DRD3: variants seen among roughly 807,000 people sequenced by gnomAD.
DRD3 encodes the protein dopamine receptor D3.
A neutral mutation model predicts 36.3 loss-of-function variants in DRD3; 19 were observed. That is an observed-to-expected ratio of 0.52 (90% CI 0.36 to 0.77). DRD3 has a LOEUF of 0.77. Among genes scored for constraint, DRD3 ranks in the 30% least tolerant of loss-of-function variants. The probability of loss-of-function intolerance (pLI) is 0.00; values close to 1 mark genes in which losing one functional copy is unlikely to be tolerated. For synonymous variants in DRD3, 195 were observed against 203.7 expected, an observed-to-expected ratio of 0.96 and a Z score of 0.36; for missense variants, 465 against 505.3, an observed-to-expected ratio of 0.92 and a Z score of 0.77.
chr3:114,133,178 T>C (rs1180302007), intron 5 of DRD3, among the ~76,000 whole-genome samples: 1 of 152,082 alleles, frequency 6.6e-6, no homozygotes, highest in African/African-American at 2.4e-5. Context: ...TTAGTAGAGA[T>C]GGGTTTCTCC....
At position 114,159,706 on chromosome 3, in the gene DRD3, C is replaced by T. The variant is rs144960688; in HGVS notation, c.383+49G>A. 21 of 1,532,420 alleles carry T rather than the reference C, an allele frequency of 1.4e-5. No individual in the cohort carries two copies. The African/African-American group carries it at 2.3e-4, about 17-fold the overall frequency. The allele number at this position is 1,532,420 out of a possible 1,614,324, so 94.9% of individuals were successfully genotyped here. On this transcript the variant is annotated intron_variant, in intron 3 of 6. Transcript: ENST00000383673. ...CCCTCAAGTGCACAATCTGTCTCTC[C>T]CCACTTCCCCAGCTTTTGGGCCACC...
chr3:114,158,675 A>G (rs2077704569), intron 3 of DRD3, among the ~76,000 whole-genome samples: 1 of 152,224 alleles, frequency 6.6e-6, no homozygotes, highest in Admixed American at 6.5e-5. Context: ...AGTACCTAAG[A>G]TAATACATAA....
chr3:114,180,846 A>G (rs1407041624), upstream of DRD3, among the ~76,000 whole-genome samples: 4 of 152,162 alleles, frequency 2.6e-5, no homozygotes, highest in East Asian at 3.8e-4. Flanking sequence ...TGCACTGCTA[A>G]AACTTGGCTT....
chr3:114,142,047 C>CAAAAA (rs771946847), intron 4 of DRD3, among the ~76,000 whole-genome samples: 144 of 64,668 alleles, frequency 2.2e-3, no homozygotes, highest in South Asian at 4.1e-3. Context: ...GACTCTCTCT[C>CAAAAA]AAAAAAAAAA....
intron 3 of DRD3, among the ~76,000 whole-genome samples, chr3:114,151,798 T>C (rs2077620452): frequency 2.0e-5 from 3 of 152,230 alleles, no homozygotes; most frequent in Admixed American, 2.0e-4. Flanking sequence ...GTGTTTCTCC[T>C]GAGTGCCCTC....
At chr3:114,141,110 C>A (rs1252094042) in intron 4 of DRD3, among the ~76,000 whole-genome samples, 1 of 152,256 alleles carries the variant, frequency 6.6e-6, no homozygotes, top group East Asian at 1.9e-4. Context: ...CGGCTCACCG[C>A]AACCTCCATC....
chr3:114,181,829 T>A (rs2077949624), upstream of DRD3, among the ~76,000 whole-genome samples: 1 of 152,176 alleles, frequency 6.6e-6, no homozygotes, highest in Non-Finnish European at 1.5e-5. Context: ...TGAAATGCTG[T>A]TCCAGGGAAT....
chr3:114,152,886 G>C (rs115403412), intron 3 of DRD3, among the ~76,000 whole-genome samples: 1,997 of 152,362 alleles, frequency 0.013, 50 homozygotes, highest in African/African-American at 0.046. Flanking sequence ...CTTGGCCCAG[G>C]GCCACCTCTG....
intron 2 of DRD3, among the ~76,000 whole-genome samples, chr3:114,164,220 CAAAAAAAAAAAAAAA>C (rs34500434): frequency 2.1e-3 from 37 of 17,778 alleles, no homozygotes; most frequent in Non-Finnish European, 4.4e-3. Flanking sequence ...GCCTCAGTCT[CAAAAAAAAAAAAAAA>C]AAAAAAAAAA....
At chr3:114,173,572 T>C (rs2077867432) in intron 1 of DRD3, among the ~76,000 whole-genome samples, 1 of 152,076 alleles carries the variant, frequency 6.6e-6, no homozygotes, top group Non-Finnish European at 1.5e-5. Context: ...CTCAGACAAA[T>C]AGATTCTATG....
intron 1 of DRD3, among the ~76,000 whole-genome samples, chr3:114,185,573 G>C (rs1232086128): frequency 6.6e-6 from 1 of 151,582 alleles, no homozygotes; most frequent in African/African-American, 2.4e-5. Flanking sequence ...TAAAGTCTTT[G>C]TCTAGTAGAT....
At chr3:114,176,081 C>A (rs1183822808) in intron 1 of DRD3, 1 of 152,178 alleles carries the variant, frequency 6.6e-6, no homozygotes, top group Admixed American at 6.5e-5. Flanking sequence ...ATTTGTCCTG[C>A]TTTGCTGATG....
Position 114,143,223 on chromosome 3 carries a change from T to C in DRD3, c.527-3527A>G, listed in dbSNP as rs2077541812. 2.0e-5 allele frequency among the ~76,000 whole-genome samples: 3 copies of C among 152,192 alleles called. No individual in the cohort carries two copies. In the South Asian group the frequency reaches 6.2e-4, roughly 31 times the overall value. ...ATGAGCAAAATGTACAAATGAGCAT[T>C]TTATATAAACACATGAGCACTCACT... On this transcript the variant is annotated intron_variant, in intron 4 of 6. Coordinates refer to ENST00000383673, the MANE Select transcript of DRD3 (RefSeq NM_000796.6).
intron 3 of DRD3, among the ~76,000 whole-genome samples, chr3:114,155,417 A>G (rs2077656936): frequency 6.6e-6 from 1 of 152,168 alleles, no homozygotes; most frequent in Non-Finnish European, 1.5e-5. Flanking sequence ...CCCTTCAGGT[A>G]GGTAAGTGCT....
chr3:114,174,441 G>C (rs1276929892), intron 1 of DRD3, among the ~76,000 whole-genome samples: 1 of 152,232 alleles, frequency 6.6e-6, no homozygotes, highest in African/African-American at 2.4e-5. Context: ...ACTCTGCCAA[G>C]AGGTTTGACA....
chr3:114,153,265 CT>C (rs35380452), intron 3 of DRD3, among the ~76,000 whole-genome samples: 145,229 of 149,108 alleles, frequency 0.97, 70,757 homozygotes, highest in South Asian at 1. Context: ...CTCTGTAAAC[CT>C]TTTTTTTTTT....
upstream of DRD3, among the ~76,000 whole-genome samples, chr3:114,180,680 G>T (rs182113196): frequency 1.6e-4 from 24 of 152,262 alleles, no homozygotes; most frequent in Non-Finnish European, 3.4e-4. Flanking sequence ...GGTTAGAGAG[G>T]TTAGGTTCCA....
At chr3:114,148,868 A>G (rs1018023846) in intron 3 of DRD3, among the ~76,000 whole-genome samples, 10 of 152,006 alleles carry the variant, frequency 6.6e-5, no homozygotes, top group Admixed American at 5.9e-4. Flanking sequence ...GCCTGCCAAC[A>G]TGCCTGGCTA....
Position 114,139,692 on chromosome 3 carries a change from G to T in DRD3, c.531C>A (p.Asp177Glu), listed in dbSNP as rs745525596. 1.9e-6 allele frequency: 3 copies of T among 1,613,718 alleles called. No individual in the cohort carries two copies. In the African/African-American group the frequency reaches 4.0e-5, roughly 22 times the overall value. Reference protein sequence around the residue: ...PLLFGFNTTGDPTVCSISNPD... With the variant: ...PLLFGFNTTGEPTVCSISNPD... Reference sequence around the variant, plus strand: ...GGTTGGAGATGGAGCAGACAGTGGGGTCCCCTGTGGATGAGAAGGGGGAAG... The same window carrying T: ...GGTTGGAGATGGAGCAGACAGTGGGTTCCCCTGTGGATGAGAAGGGGGAAG... The change falls in exon 5 of 7, where the codon GAC (aspartate) becomes GAA (glutamate). Residue 177 changes from aspartate (D) to glutamate (E), a missense_variant. Asp to Glu is a conservative substitution (Grantham distance 45, BLOSUM62 2). Coordinates refer to ENST00000383673, the MANE Select transcript of DRD3 (RefSeq NM_000796.6).
Sources: allele counts gnomAD v4.1 joint callset (sites outside exome capture counted in the v4.1 genomes callset), GRCh38; gene constraint gnomAD v4.1.1; transcripts MANE v1.5; gene names NCBI Gene and HGNC (gene_info 2026-07-23, HGNC 2026-07-21).